The following ZFPM2 variants were observed in gnomAD, a reference collection of about 807,000 sequenced individuals.
ZFPM2 encodes the protein zinc finger protein, FOG family member 2.
Under a neutral mutation model 98.6 loss-of-function variants are expected in ZFPM2, and 20 were observed. The ratio of observed to expected loss-of-function variants is 0.20; its 90% CI spans 0.14 to 0.29. The LOEUF (loss-of-function observed/expected upper bound fraction) is 0.29, where lower values mean the gene tolerates loss of function less well. ZFPM2 is among the 10% of genes least tolerant of loss of function. The probability of loss-of-function intolerance (pLI) is 1.00; values close to 1 mark genes in which losing one functional copy is unlikely to be tolerated. For synonymous variants in ZFPM2, 518 were observed against 502.7 expected (o/e 1.03, Z -0.41); for missense variants, 1,310 against 1,388.6 (o/e 0.94, Z 0.90).
chr8:105,336,731 G>C (rs113850902), intron 1 of ZFPM2, among the ~76,000 whole-genome samples: 1,732 of 108,362 alleles, frequency 0.016, 24 homozygotes, highest in African/African-American at 0.056. Context: ...CACACACACA[G>C]ACATATACAT....
chr8:105,746,654 AATTT>A (rs1282169348), intron 5 of ZFPM2, among the ~76,000 whole-genome samples: 1,756 of 112,006 alleles, frequency 0.016, 49 homozygotes, highest in African/African-American at 0.038. Flanking sequence ...TGTTTTTAAA[AATTT>A]TTTTTTTTTT....
chr8:105,408,179 G>A (rs929888834), intron 1 of ZFPM2, among the ~76,000 whole-genome samples: 5 of 152,008 alleles, frequency 3.3e-5, no homozygotes, highest in East Asian at 1.9e-4. Flanking sequence ...CACCCTACCC[G>A]CTCTCCTAAT....
At chr8:105,347,295 C>T (rs555768023) in intron 1 of ZFPM2, among the ~76,000 whole-genome samples, 30 of 152,094 alleles carry the variant, frequency 2.0e-4, no homozygotes, top group Non-Finnish European at 3.5e-4. Flanking sequence ...CATAAAACTT[C>T]CAGTCATTGA....
chr8:105,458,167 C>T (rs1812628553), intron 3 of ZFPM2, among the ~76,000 whole-genome samples: 1 of 152,040 alleles, frequency 6.6e-6, no homozygotes, highest in African/African-American at 2.4e-5. Context: ...GACAAAATTC[C>T]CATAGGCCGT....
chr8:105,420,579 T>C (rs576798604), intron 2 of ZFPM2, among the ~76,000 whole-genome samples: 1 of 152,278 alleles, frequency 6.6e-6, no homozygotes, highest in East Asian at 1.9e-4. Flanking sequence ...TAATTGAAAA[T>C]GAGAAAAGTA....
chr8:105,413,227 C>T (rs1469364193), intron 1 of ZFPM2, among the ~76,000 whole-genome samples: 3 of 151,716 alleles, frequency 2.0e-5, no homozygotes, highest in Non-Finnish European at 4.4e-5. Flanking sequence ...GGCAAGGAGT[C>T]ATCCAATTTT....
At chr8:105,678,691 T>C (rs1452238422) in intron 5 of ZFPM2, 1 of 152,214 alleles carries the variant, frequency 6.6e-6, no homozygotes. Flanking sequence ...CGGTTTTCTC[T>C]CTTATTCCAT....
intron 5 of ZFPM2, among the ~76,000 whole-genome samples, chr8:105,636,746 G>C (rs1439028229): frequency 6.6e-6 from 1 of 152,164 alleles, no homozygotes; most frequent in East Asian, 1.9e-4. Context: ...TTCACATACT[G>C]TGATGATGAA....
intron 4 of ZFPM2, among the ~76,000 whole-genome samples, chr8:105,586,002 GGTGTGTGTGTGTGT>G (rs142133685): frequency 2.0e-4 from 28 of 142,786 alleles, no homozygotes; most frequent in African/African-American, 3.2e-4. Context: ...GGGGGGAAGG[GGTGTGTGTGTGTGT>G]GTGTGTGTGT....
At chr8:105,613,290 C>T (rs1299639114) in intron 4 of ZFPM2, among the ~76,000 whole-genome samples, 1 of 151,902 alleles carries the variant, frequency 6.6e-6, no homozygotes, top group Non-Finnish European at 1.5e-5. Context: ...TGAGAATAGA[C>T]AGGGAAGAAG....
chr8:105,734,971 G>A (rs1812033745), intron 5 of ZFPM2, among the ~76,000 whole-genome samples: 1 of 150,156 alleles, frequency 6.7e-6, no homozygotes, highest in African/African-American at 2.4e-5. Flanking sequence ...AACCATTAAG[G>A]CATATTACAA....
At chr8:105,539,029 C>T (rs1288467446) in intron 3 of ZFPM2, among the ~76,000 whole-genome samples, 1 of 152,048 alleles carries the variant, frequency 6.6e-6, no homozygotes, top group East Asian at 1.9e-4. Flanking sequence ...ACAAACAAAA[C>T]AAAACAAAAC....
intron 3 of ZFPM2, among the ~76,000 whole-genome samples, chr8:105,449,881 A>G (rs1290993017): frequency 6.6e-6 from 1 of 152,112 alleles, no homozygotes; most frequent in Non-Finnish European, 1.5e-5. Context: ...CTGTGTGGCC[A>G]TTACAATGCC....
chr8:105,763,067 T>G (rs1812770550), intron 5 of ZFPM2, among the ~76,000 whole-genome samples: 1 of 150,986 alleles, frequency 6.6e-6, no homozygotes, highest in South Asian at 2.1e-4. Context: ...TTTCTTTTTT[T>G]TTTTTTTTAG....
At chr8:105,463,012 T>C (rs1214956424) in intron 3 of ZFPM2, among the ~76,000 whole-genome samples, 3 of 151,496 alleles carry the variant, frequency 2.0e-5, no homozygotes, top group African/African-American at 7.3e-5. Context: ...TTGAGATAAA[T>C]AATAAAAAAA....
intron 4 of ZFPM2, among the ~76,000 whole-genome samples, chr8:105,624,480 A>C (rs1816613738): frequency 6.6e-6 from 1 of 152,176 alleles, no homozygotes; most frequent in Non-Finnish European, 1.5e-5. Context: ...AAGAGAAATG[A>C]GTCTATTCTT....
At chr8:105,340,532 A>G (rs1470513643) in intron 1 of ZFPM2, among the ~76,000 whole-genome samples, 1 of 151,962 alleles carries the variant, frequency 6.6e-6, no homozygotes, top group Non-Finnish European at 1.5e-5. Context: ...GTCCCTGAAA[A>G]TCAGAATATA....
chr8:105,651,465 C>A (rs1259674153), intron 5 of ZFPM2, among the ~76,000 whole-genome samples: 41 of 138,558 alleles, frequency 3.0e-4, no homozygotes, highest in African/African-American at 3.0e-4. Context: ...GACTCCATCT[C>A]AAAAAAAAAA....
chr8:105,437,587 A>C (rs1213993675), intron 2 of ZFPM2, among the ~76,000 whole-genome samples: 2 of 152,206 alleles, frequency 1.3e-5, no homozygotes, highest in Non-Finnish European at 2.9e-5. Context: ...GTACTTTTCA[A>C]ACTCTTTAGC....
Sources: gnomAD v4.1 joint callset for allele counts (sites outside exome capture counted in the v4.1 genomes callset) on GRCh38, gnomAD v4.1.1 for gene constraint, MANE v1.5 for transcripts, NCBI Gene and HGNC (gene_info 2026-07-23, HGNC 2026-07-21) for gene names.